TRDN: variants seen among roughly 807,000 people sequenced by gnomAD.
TRDN encodes triadin.
In TRDN, 161 loss-of-function variants were observed where a neutral mutation model predicts 149.7. The ratio of observed to expected loss-of-function variants is 1.08; its 90% CI spans 0.95 to 1.23. The LOEUF (loss-of-function observed/expected upper bound fraction) is 1.23, where lower values mean the gene tolerates loss of function less well. Among genes scored for constraint, TRDN ranks in the 50% most tolerant of loss-of-function variants. TRDN has a pLI of 0.00. For missense variants in TRDN, 896 were observed against 823.5 expected, an observed-to-expected ratio of 1.09 and a Z score of -1.08; for synonymous variants, 294 against 250.5, an observed-to-expected ratio of 1.17 and a Z score of -1.64.
intron 1 of TRDN, among the ~76,000 whole-genome samples, chr6:123,606,497 G>A (rs1329370426): frequency 2.0e-5 from 3 of 151,826 alleles, no homozygotes; most frequent in Admixed American, 1.3e-4. Flanking sequence ...TCATTCTCAG[G>A]AAGTTCCTCA....
intron 9 of TRDN, among the ~76,000 whole-genome samples, chr6:123,472,221 C>A (rs757915194): frequency 6.6e-6 from 1 of 152,156 alleles, no homozygotes; most frequent in Non-Finnish European, 1.5e-5. Flanking sequence ...TCAGTGGGTG[C>A]GCGCACCGTG....
At chr6:123,387,593 T>C (rs1781955531) in intron 14 of TRDN, among the ~76,000 whole-genome samples, 1 of 152,080 alleles carries the variant, frequency 6.6e-6, no homozygotes, top group African/African-American at 2.4e-5. Context: ...AAACTTCCTA[T>C]CATTTATAAA....
intron 12 of TRDN, among the ~76,000 whole-genome samples, chr6:123,400,176 T>C (rs1772903735): frequency 6.8e-6 from 1 of 146,780 alleles, no homozygotes; most frequent in African/African-American, 2.5e-5. Context: ...TGTATATATA[T>C]ATATATATAT....
In TRDN at chr6:123,324,315, T is replaced by A. The variant is rs1467138343; in HGVS notation, c.1471+7564A>T. 2.6e-5 allele frequency among the ~76,000 whole-genome samples: 4 copies of A among 152,148 alleles called. No individual in the cohort carries two copies. In the East Asian group the frequency reaches 7.7e-4, roughly 29 times the overall value. ...CTTACAGTAGAAATAATATATTTTT[T>A]AAAATGTTAATGGACAGAAGCCAGG... On this transcript the variant is annotated intron_variant, in intron 23 of 40. Transcript: ENST00000334268.
chr6:123,409,371 A>C (rs1773337801), intron 12 of TRDN, among the ~76,000 whole-genome samples: 1 of 152,198 alleles, frequency 6.6e-6, no homozygotes, highest in South Asian at 2.1e-4. Flanking sequence ...AAAGAACATA[A>C]ATATTGCAGT....
intron 1 of TRDN, among the ~76,000 whole-genome samples, chr6:123,622,957 G>A (rs752230336): frequency 3.3e-5 from 5 of 151,940 alleles, no homozygotes; most frequent in East Asian, 1.9e-4. Flanking sequence ...AAACTCTATC[G>A]GGCAATTTTG....
At chr6:123,496,092 AT>A (rs1778434386) in intron 9 of TRDN, among the ~76,000 whole-genome samples, 1 of 146,960 alleles carries the variant, frequency 6.8e-6, no homozygotes, top group Non-Finnish European at 1.5e-5. Context: ...ATATATTAAT[AT>A]ATAATATATA....
At chr6:123,591,773 T>C (rs1783797033) in intron 1 of TRDN, among the ~76,000 whole-genome samples, 1 of 152,214 alleles carries the variant, frequency 6.6e-6, no homozygotes, top group Admixed American at 6.5e-5. Context: ...TTCAAAGGAC[T>C]TTTAAATGAG....
chr6:123,250,416 A>G (rs1263113841), intron 38 of TRDN, among the ~76,000 whole-genome samples: 1 of 152,132 alleles, frequency 6.6e-6, no homozygotes, highest in Non-Finnish European at 1.5e-5. Context: ...CAAAATATAC[A>G]TATACATAAT....
chr6:123,274,599 T>C (rs1233673097), intron 27 of TRDN, 42 bp downstream of exon 27: 2 of 1,548,320 alleles, frequency 1.3e-6, no homozygotes, highest in Non-Finnish European at 1.8e-6. Flanking sequence ...AAAATAAAGA[T>C]AATGTCAACT....
chr6:123,239,240 G>A (rs952783025), intron 38 of TRDN, among the ~76,000 whole-genome samples: 10 of 152,092 alleles, frequency 6.6e-5, no homozygotes, highest in African/African-American at 1.4e-4. Flanking sequence ...ATAAACTTAC[G>A]TATAACATGA....
At chr6:123,516,697 T>C (rs1032669548) in intron 5 of TRDN, among the ~76,000 whole-genome samples, 3 of 152,074 alleles carry the variant, frequency 2.0e-5, no homozygotes, top group Admixed American at 6.6e-5. Context: ...AATAAGACTA[T>C]AAAATACCAA....
At chr6:123,522,325 A>C (rs566318620) in intron 5 of TRDN, among the ~76,000 whole-genome samples, 1 of 152,104 alleles carries the variant, frequency 6.6e-6, no homozygotes, top group Non-Finnish European at 1.5e-5. Flanking sequence ...CTGTTCTACA[A>C]GTAAATTGAC....
Position 123,217,659 on chromosome 6 carries a change from A to G in TRDN, c.*942T>C, listed in dbSNP as rs1775005689. The G allele has an allele frequency of 6.6e-6, 1 of 151,970 alleles. No homozygotes were observed. The highest frequency in any genetic ancestry group is 2.1e-4 in the South Asian group (1 of 4,834). The allele number at this position is 151,970 out of a possible 1,614,324, so 9.4% of individuals were successfully genotyped here. A position where few individuals can be genotyped will look rare whatever the true frequency, so the allele number is the denominator to read the frequency against. ...TTTAAGGCTAAAATGAATTCCTTAA[A>G]CTTTGATGGCATTCATATTTTGCCA... is the stretch of plus-strand genomic sequence containing the variant. On this transcript the variant is annotated 3_prime_UTR_variant, in exon 41 of 41. Transcript: ENST00000334268.
At chr6:123,621,324 C>A (rs1785372823) in intron 1 of TRDN, among the ~76,000 whole-genome samples, 1 of 152,064 alleles carries the variant, frequency 6.6e-6, no homozygotes, top group South Asian at 2.1e-4. Flanking sequence ...CTAGGAGACA[C>A]CCACAAGGTC....
chr6:123,502,008 C>A (rs1006116979), intron 8 of TRDN: 5 of 984,774 alleles, frequency 5.1e-6, no homozygotes, highest in Admixed American at 6.2e-5. Context: ...CATTCACATT[C>A]CTAGTTGTTA....
intron 24 of TRDN, among the ~76,000 whole-genome samples, chr6:123,295,210 G>A (rs1778151413): frequency 6.6e-6 from 1 of 152,110 alleles, no homozygotes; most frequent in Non-Finnish European, 1.5e-5. Context: ...GTGACTCAGT[G>A]ATGACTACTC....
At chr6:123,381,093 T>C (rs190053948) in intron 16 of TRDN, among the ~76,000 whole-genome samples, 97 of 152,214 alleles carry the variant, frequency 6.4e-4, no homozygotes, top group African/African-American at 2.2e-3. Flanking sequence ...TCAGTTTGGG[T>C]TAATGGAATG....
intron 12 of TRDN, among the ~76,000 whole-genome samples, chr6:123,414,804 A>G (rs1377309871): frequency 2.6e-5 from 4 of 152,152 alleles, no homozygotes; most frequent in Admixed American, 2.6e-4. Context: ...CTGGAAAATG[A>G]GTACCCTAGG....
Sources: gnomAD v4.1 joint callset for allele counts (sites outside exome capture counted in the v4.1 genomes callset) on GRCh38, gnomAD v4.1.1 for gene constraint, MANE v1.5 for transcripts, NCBI Gene and HGNC (gene_info 2026-07-23, HGNC 2026-07-21) for gene names.